The following C1GALT1C1L variants were observed in gnomAD, a reference collection of about 807,000 sequenced individuals.
C1GALT1C1L encodes the protein C1GALT1-specific chaperone 1-like protein.
In C1GALT1C1L, 1 loss-of-function variant was observed where a neutral mutation model predicts 0.5. The observed-to-expected ratio is 2.11, with a 90% confidence interval of 0.75 to 10.02. The LOEUF (loss-of-function observed/expected upper bound fraction) is 10.02. Ranked by LOEUF, C1GALT1C1L falls within the 30% of genes most tolerant of loss-of-function variation. The pLI, the probability that C1GALT1C1L is intolerant of heterozygous loss-of-function variation, is 0.13. For missense variants in C1GALT1C1L, 444 were observed against 375.5 expected, an observed-to-expected ratio of 1.18 and a Z score of -1.51; for synonymous variants, 148 against 132.6, an observed-to-expected ratio of 1.12 and a Z score of -0.80.
chr2:43,675,682 A>G lies in C1GALT1C1L; in HGVS notation c.641T>C (p.Leu214Ser). The change falls in exon 1 of 1, where the codon TTA becomes TCA. Residue 214 changes from leucine (L) to serine (S), a missense_variant. Physicochemically the swap from Leu to Ser is moderately radical, Grantham distance 145 (BLOSUM62 -2). Transcript: ENST00000475092. ...TCADQSVIWK[L>S]SEDKQLAICL... The stretch of plus-strand genomic sequence containing the variant: ...TATTGCCAGCTGCTTATCTTCAGAT[A>G]ACTTCCAAATCACACTTTGATCTGC... The G allele has an allele frequency of 1.2e-6, 2 of 1,613,964 alleles. No homozygotes were observed. Among genetic ancestry groups the G allele is most frequent in the Non-Finnish European group, 1.7e-6 (2 of 1,179,894 alleles).
Position 43,676,148 on chromosome 2 carries a change from C to G in C1GALT1C1L, c.175G>C (p.Val59Leu). The stretch of plus-strand genomic sequence containing the variant: ...CTTTTACTGAGCTCCAAGAGTATCA[C>G]TTTTGAAGTGTTTAAGAAATCGTTC... ...NRNDFLNTSK[V>L]ILLELSKSIR... The change falls in exon 1 of 1, where the codon GTG becomes CTG. Residue 59 changes from valine (V) to leucine (L), a missense_variant. Transcript: ENST00000475092. 12 of 1,614,002 alleles carry G rather than the reference C, an allele frequency of 7.4e-6. No individual in the cohort carries two copies. The highest frequency in any genetic ancestry group is 1.0e-5 in the Non-Finnish European group (12 of 1,179,900).
Position 43,675,707 on chromosome 2 carries a change from C to A in C1GALT1C1L, c.616G>T (p.Ala206Ser), listed in dbSNP as rs1445759263. 1 of 1,613,988 alleles carries A rather than the reference C, an allele frequency of 6.2e-7. No homozygotes were observed. The highest frequency in any genetic ancestry group is 2.2e-5 in the East Asian group (1 of 44,886). ...NRLLDNSETC[A>S]DQSVIWKLSE... ...AACTTCCAAATCACACTTTGATCTG[C>A]ACAGGTCTCAGAGTTATCGAGAAGT... is the stretch of plus-strand genomic sequence containing the variant. The change falls in exon 1 of 1, where the codon GCA becomes TCA. Residue 206 changes from alanine to serine, a missense_variant. Coordinates refer to ENST00000475092, the MANE Select transcript of C1GALT1C1L (RefSeq NM_001101330.3).
In C1GALT1C1L at chr2:43,675,358, CTAT is replaced by C. The variant is rs1667694581; in HGVS notation, c.*14_*16del. 1.9e-6 allele frequency: 3 copies of C among 1,540,888 alleles called. No homozygotes were observed. In the South Asian group the frequency reaches 3.9e-5, roughly 20 times the overall value. ...TCAAGTGCTCTTGGACAGCACAGGT[CTAT>C]TATTCTCCAGGCCTCAGTCATTTTC... is the stretch of plus-strand genomic sequence containing the variant. On this transcript the variant is annotated 3_prime_UTR_variant, in exon 1 of 1. Transcript: ENST00000475092.
chr2:43,675,857 A>G lies in C1GALT1C1L; in HGVS notation c.466T>C (p.Leu156=). ...GGCTGGGATGCATCCCTTGTAAACA[A>G]AAGGTACTTTAAATTTTCAATGACA... ...FAVIENLKYL[L]FTRDASQPFY... is the part of the protein sequence containing the mutation. The change falls in exon 1 of 1, where the codon TTG becomes CTG. Residue 156 remains leucine, a synonymous_variant. Transcript: ENST00000475092. 4 of 1,614,078 alleles carry G rather than the reference A, an allele frequency of 2.5e-6. No homozygotes were observed. The highest frequency in any genetic ancestry group is 1.1e-5 in the South Asian group (1 of 91,086).
rs1384886636 is a variant in C1GALT1C1L at position 43,676,089 on chromosome 2, G to A, written c.234C>T (p.Ser78=). 6 of 1,613,586 alleles carry A rather than the reference G, an allele frequency of 3.7e-6. No individual in the cohort carries two copies. Among genetic ancestry groups the A allele is most frequent in the Non-Finnish European group, 5.1e-6 (6 of 1,179,800 alleles). The change falls in exon 1 of 1, where the codon TCC becomes TCT. Residue 78 remains serine, a synonymous_variant. Coordinates refer to ENST00000475092, the MANE Select transcript of C1GALT1C1L (RefSeq NM_001101330.3). ...GTACAGCCCAGTAACTCTCATCTTC[G>A]GATTCTCCAAAGATGATACAGAAAA... ...IRVFCIIFGE[S]EDESYWAVLK... is the part of the protein sequence containing the mutation.
At position 43,675,969 on chromosome 2, in the gene C1GALT1C1L, T is replaced by C. The variant is rs755990667; in HGVS notation, c.354A>G (p.Val118=). Residue 118 remains valine, a synonymous_variant, in exon 1 of 1, where the codon GTA becomes GTG. Transcript: ENST00000475092. ...LFNIESNDRW[V]QMRTAYKYVF... ...CGTATTTGTAAGCGGTCCTCATCTGTACCCACCTGTCATTACTTTCTATAT... is the reference window on the plus strand; with the variant it reads ...CGTATTTGTAAGCGGTCCTCATCTGCACCCACCTGTCATTACTTTCTATAT... 3.1e-5 allele frequency: 50 copies of C among 1,613,926 alleles called. No homozygotes were observed. The highest frequency in any genetic ancestry group is 1.6e-4 in the Middle Eastern group (1 of 6,084).
Position 43,675,607 on chromosome 2 carries a change from C to T in C1GALT1C1L, c.716G>A (p.Gly239Glu), listed in dbSNP as rs1382209404. 1.2e-6 allele frequency: 2 copies of T among 1,613,428 alleles called. No individual in the cohort carries two copies. The highest frequency in any genetic ancestry group is 1.7e-6 in the Non-Finnish European group (2 of 1,179,730). ...TGGTTTTGTATTAAATACATCTCTT[C>T]CTTCATAATCCTCTGCATTTTCTGC... Reference protein sequence around the residue: ...VHAENAEDYEGRDVFNTKPIA... With the variant: ...VHAENAEDYEERDVFNTKPIA... Residue 239 changes from glycine (G) to glutamate (E), a missense_variant, in exon 1 of 1, where the codon GGA becomes GAA. Coordinates refer to ENST00000475092, the MANE Select transcript of C1GALT1C1L (RefSeq NM_001101330.3).
chr2:43,676,027 T>A lies in C1GALT1C1L; in HGVS notation c.296A>T (p.Glu99Val). 6.2e-7 allele frequency: 1 copy of A among 1,614,040 alleles called. No individual in the cohort carries two copies. The highest frequency in any genetic ancestry group is 8.5e-7 in the Non-Finnish European group (1 of 1,179,902). The change falls in exon 1 of 1, where the codon GAG (glutamate) becomes GTG (valine). Residue 99 changes from glutamate to valine, a missense_variant. Coordinates refer to ENST00000475092, the MANE Select transcript of C1GALT1C1L (RefSeq NM_001101330.3). The stretch of plus-strand genomic sequence containing the variant: ...ATTATCATTTTTAGTATCGTAGAGC[T>A]CTGCTTTGTCACAGTGTTTGGTCCA... ...ETWTKHCDKAELYDTKNDNLF... is the reference protein window; with the variant it reads ...ETWTKHCDKAVLYDTKNDNLF...
In C1GALT1C1L at chr2:43,676,365, G is replaced by C; in HGVS notation, c.-43C>G. 6.6e-7 allele frequency: 1 copy of C among 1,504,542 alleles called. No homozygotes were observed. Among genetic ancestry groups the C allele is most frequent in the East Asian group, 2.3e-5 (1 of 44,154 alleles). 93.2% of individuals were successfully genotyped at this position (1,504,542 alleles called of 1,614,324 possible). On this transcript the variant is annotated 5_prime_UTR_variant, in exon 1 of 1. Coordinates refer to ENST00000475092, the MANE Select transcript of C1GALT1C1L (RefSeq NM_001101330.3). Reference sequence around the variant, plus strand: ...AGTGTGCCAGGGTCAAAGGCAGCCTGGGACCGGGTCCTGGGGTCCCGCGCC... The same window carrying C: ...AGTGTGCCAGGGTCAAAGGCAGCCTCGGACCGGGTCCTGGGGTCCCGCGCC...
In C1GALT1C1L at chr2:43,675,544, G is replaced by A. The variant is rs948809846; in HGVS notation, c.779C>T (p.Pro260Leu). The A allele has an allele frequency of 6.2e-7, 1 of 1,613,918 alleles. No individual in the cohort carries two copies. The highest frequency in any genetic ancestry group is 1.7e-5 in the Admixed American group (1 of 60,004). Reference sequence around the variant, plus strand: ...ACAGCAGCCTTCTACTACTTGCTGAGGGTTATTAGACAATGCCTCTTCAAT... The same window carrying A: ...ACAGCAGCCTTCTACTACTTGCTGAAGGTTATTAGACAATGCCTCTTCAAT... ...QLIEEALSNN[P>L]QQVVEGCCSD... Residue 260 changes from proline to leucine, a missense_variant, in exon 1 of 1, where the codon CCT becomes CTT. Transcript: ENST00000475092.
chr2:43,676,137 C>T lies in C1GALT1C1L; in HGVS notation c.186G>A (p.Leu62=). The change falls in exon 1 of 1, where the codon TTG becomes TTA. Residue 62 remains leucine, a synonymous_variant. Transcript: ENST00000475092. ...AAACACGAATACTTTTACTGAGCTC[C>T]AAGAGTATCACTTTTGAAGTGTTTA... ...DFLNTSKVIL[L]ELSKSIRVFC... The T allele has an allele frequency of 6.2e-7, 1 of 1,614,016 alleles. No individual in the cohort carries two copies. The highest frequency in any genetic ancestry group is 8.5e-7 in the Non-Finnish European group (1 of 1,179,890).
Position 43,676,330 on chromosome 2 carries a change from G to T in C1GALT1C1L, c.-8C>A, listed in dbSNP as rs746159373. The T allele has an allele frequency of 1.1e-5, 18 of 1,588,996 alleles. No individual in the cohort carries two copies. Among genetic ancestry groups the T allele is most frequent in the Non-Finnish European group, 2.6e-6 (3 of 1,167,560 alleles). Reference sequence around the variant, plus strand: ...CCCACTAGCGGAAACCATTTTCCAGGCGTTAGGACAGTGTGCCAGGGTCAA... The same window carrying T: ...CCCACTAGCGGAAACCATTTTCCAGTCGTTAGGACAGTGTGCCAGGGTCAA... On this transcript the variant is annotated 5_prime_UTR_variant, in exon 1 of 1. Transcript: ENST00000475092.
At position 43,676,104 on chromosome 2, in the gene C1GALT1C1L, G is replaced by T. The variant is rs1411738041; in HGVS notation, c.219C>A (p.Ile73=). Residue 73 remains isoleucine, a synonymous_variant, in exon 1 of 1, where the codon ATC becomes ATA. Coordinates refer to ENST00000475092, the MANE Select transcript of C1GALT1C1L (RefSeq NM_001101330.3). ...ELSKSIRVFC[I]IFGESEDESY... ...TCTCATCTTCGGATTCTCCAAAGAT[G>T]ATACAGAAAACACGAATACTTTTAC... 6.2e-7 allele frequency: 1 copy of T among 1,613,768 alleles called. No homozygotes were observed. Among genetic ancestry groups the T allele is most frequent in the Non-Finnish European group, 8.5e-7 (1 of 1,179,846 alleles).
Position 43,675,659 on chromosome 2 carries a change from T to A in C1GALT1C1L, c.664A>T (p.Ile222Leu). 1.2e-6 allele frequency: 2 copies of A among 1,614,002 alleles called. No individual in the cohort carries two copies. Among genetic ancestry groups the A allele is most frequent in the Non-Finnish European group, 1.7e-6 (2 of 1,179,896 alleles). ...WKLSEDKQLA[I>L]CLKYAGVHAE... ...TGAACTCCTGCATATTTCAGGCATA[T>A]TGCCAGCTGCTTATCTTCAGATAAC... Residue 222 changes from isoleucine (I) to leucine (L), a missense_variant, in exon 1 of 1, where the codon ATA becomes TTA. Physicochemically the swap from Ile to Leu is conservative, Grantham distance 5 (BLOSUM62 2). Transcript: ENST00000475092.
At chr2:43,675,938 CAA>C in the C1GALT1C1L span, 49 of 1,614,006 alleles carry the variant, frequency 3.0e-5, no homozygotes, top group Non-Finnish European at 4.2e-5. Context: ...CCATACTTTT[CAA>C]AGACGTATTT....
At position 43,675,151 on chromosome 2, in the gene C1GALT1C1L, T is replaced by C. The variant is rs1296504033; in HGVS notation, c.*224A>G. The C allele has an allele frequency of 1.0e-5, 4 of 393,974 alleles. No homozygotes were observed. Among genetic ancestry groups the C allele is most frequent in the African/African-American group, 2.1e-5 (1 of 48,384 alleles). 24.4% of individuals were successfully genotyped at this position (393,974 alleles called of 1,614,324 possible). On this transcript the variant is annotated 3_prime_UTR_variant, in exon 1 of 1. Coordinates refer to ENST00000475092, the MANE Select transcript of C1GALT1C1L (RefSeq NM_001101330.3). ...TAATAAAATTAAAAAGCAGGTGAAA[T>C]TAATTTTAATAGTATATTTTATTTA...
chr2:43,675,767 C>T lies in C1GALT1C1L; in HGVS notation c.556G>A (p.Val186Ile). The change falls in exon 1 of 1, where the codon GTC (valine) becomes ATC (isoleucine). Residue 186 changes from valine (V) to isoleucine (I), a missense_variant. By Grantham distance (29) the Val-to-Ile change is conservative. Transcript: ENST00000475092. ...LEYVTVEGGI[V>I]LSRELMKRLN... Reference sequence around the variant, plus strand: ...CTTTTCATCAACTCTCTGCTTAAGACAATCCCTCCTTCCACAGTCACGTAT... The same window carrying T: ...CTTTTCATCAACTCTCTGCTTAAGATAATCCCTCCTTCCACAGTCACGTAT... 1 of 1,613,672 alleles carries T rather than the reference C, an allele frequency of 6.2e-7. No individual in the cohort carries two copies. Among genetic ancestry groups the T allele is most frequent in the Non-Finnish European group, 8.5e-7 (1 of 1,179,710 alleles).
At position 43,675,186 on chromosome 2, in the gene C1GALT1C1L, A is replaced by G. The variant is rs912704088; in HGVS notation, c.*189T>C. ...TAGTATATTTTATTTAATGCAAAATATCCAAAACATTATTTCAATGTGGAG... is the reference window on the plus strand; with the variant it reads ...TAGTATATTTTATTTAATGCAAAATGTCCAAAACATTATTTCAATGTGGAG... On this transcript the variant is annotated 3_prime_UTR_variant, in exon 1 of 1. Transcript: ENST00000475092. 4 of 439,810 alleles carry G rather than the reference A, an allele frequency of 9.1e-6. No individual in the cohort carries two copies. The highest frequency in any genetic ancestry group is 6.1e-5 in the African/African-American group (3 of 49,576). The allele number at this position is 439,810 out of a possible 1,614,324, so 27.2% of individuals were successfully genotyped here. A position where few individuals can be genotyped will look rare whatever the true frequency, so the allele number is the denominator to read the frequency against.
In C1GALT1C1L at chr2:43,675,926, C is replaced by T. The variant is rs1163664638; in HGVS notation, c.397G>A (p.Asp133Asn). Residue 133 changes from aspartate (D) to asparagine (N), a missense_variant, in exon 1 of 1, where the codon GAC becomes AAC. Coordinates refer to ENST00000475092, the MANE Select transcript of C1GALT1C1L (RefSeq NM_001101330.3). ...AYKYVFEKYG[D>N]NYNWFFLALP... ...GCAAGGAAGAACCAGTTGTAGTTGT[C>T]ACCATACTTTTCAAAGACGTATTTG... 1 of 1,613,876 alleles carries T rather than the reference C, an allele frequency of 6.2e-7. No homozygotes were observed. Among genetic ancestry groups the T allele is most frequent in the Non-Finnish European group, 8.5e-7 (1 of 1,179,906 alleles).
Sources: gnomAD v4.1 joint callset for allele counts on GRCh38, gnomAD v4.1.1 for gene constraint, MANE v1.5 for transcripts, NCBI Gene and HGNC (gene_info 2026-07-23, HGNC 2026-07-21) for gene names.